The following GLYATL1 variants were observed in gnomAD, a reference collection of about 807,000 sequenced individuals.
GLYATL1 encodes glycine-N-acyltransferase like 1.
In GLYATL1, 15 loss-of-function variants were observed where a neutral mutation model predicts 20.0. The ratio of observed to expected loss-of-function variants is 0.75; its 90% CI spans 0.50 to 1.15. The LOEUF is 1.15. Among genes scored for constraint, GLYATL1 ranks in the 50% most tolerant of loss-of-function variants. GLYATL1 has a pLI of 0.00. For synonymous variants in GLYATL1, 151 were observed against 131.5 expected, an observed-to-expected ratio of 1.15 and a Z score of -1.01; for missense variants, 380 against 368.5, an observed-to-expected ratio of 1.03 and a Z score of -0.26.
chr11:58,955,744 G>C lies in GLYATL1; in HGVS notation c.626G>C (p.Cys209Ser), dbSNP rs746846241. 1.9e-6 allele frequency: 3 copies of C among 1,614,230 alleles called. No homozygotes were observed. In the South Asian group the frequency reaches 3.3e-5, roughly 18 times the overall value. ...TGCATAGAAGACCTGCCAGCAGCCT[G>C]TATGCTCGGCCCAGAGGGAGTCCCG... ...KRCIEDLPAA[C>S]MLGPEGVPVS... Residue 209 changes from cysteine (C) to serine (S), a missense_variant, in exon 7 of 7, where the codon TGT becomes TCT. By Grantham distance (112) the Cys-to-Ser change is moderately radical (BLOSUM62 -1). Transcript: ENST00000532726.
downstream of GLYATL1, among the ~76,000 whole-genome samples, chr11:58,910,107 A>G (rs1216616824): frequency 1.3e-5 from 2 of 152,042 alleles, no homozygotes; most frequent in African/African-American, 4.8e-5. Context: ...TGTGACTGAG[A>G]GGGCACTTAC....
At chr11:58,907,468 C>G (rs373701966) in exon 2 of GLYATL1, 23 of 308,386 alleles carry the variant, frequency 7.5e-5, no homozygotes, top group Non-Finnish European at 1.3e-4. Context: ...TCATGTATTT[C>G]GCTCTTTTTT....
chr11:58,947,048 T>C lies in GLYATL1; in HGVS notation c.-40T>C. On this transcript the variant is annotated splice_region_variant and 5_prime_UTR_variant, in exon 3 of 7. Coordinates refer to ENST00000532726, the MANE Select transcript of GLYATL1 (RefSeq NM_001389712.2). ...CCCTTCATTTCTTATCTTTTCAGAG[T>C]TTCTTCTTCAAGGTCTCAAGGTCTG... is the stretch of plus-strand genomic sequence containing the variant. 1 of 1,610,096 alleles carries C rather than the reference T, an allele frequency of 6.2e-7. No homozygotes were observed. Among genetic ancestry groups the C allele is most frequent in the Non-Finnish European group, 8.5e-7 (1 of 1,176,336 alleles).
chr11:58,934,594 G>C (rs758795955), upstream of GLYATL1: 1 of 152,374 alleles, frequency 6.6e-6, no homozygotes, highest in Admixed American at 6.5e-5. Flanking sequence ...TAGGGCTGTA[G>C]GAACTGGACT....
exon 2 of GLYATL1, chr11:58,907,796 C>G (rs778229548): frequency 1.6e-5 from 3 of 182,152 alleles, no homozygotes; most frequent in Admixed American, 1.1e-4. Context: ...ACATGGAAAC[C>G]ATTTCATACT....
intron 3 of GLYATL1, 47 bp downstream of exon 3, chr11:58,947,212 G>T: frequency 6.3e-7 from 1 of 1,588,324 alleles, no homozygotes; most frequent in Non-Finnish European, 8.6e-7. Flanking sequence ...GGGTGTTGAG[G>T]ATGAGAAAAT....
At chr11:58,919,238 T>C (rs1289360382) in intron 1 of GLYATL1, among the ~76,000 whole-genome samples, 2 of 152,222 alleles carry the variant, frequency 1.3e-5, no homozygotes, top group Non-Finnish European at 2.9e-5. Flanking sequence ...ACCTTTAATC[T>C]GACATATAAT....
chr11:58,944,539 C>G (rs1856428458), intron 2 of GLYATL1, among the ~76,000 whole-genome samples: 1 of 152,084 alleles, frequency 6.6e-6, no homozygotes, highest in African/African-American at 2.4e-5. Context: ...AAAAACATCT[C>G]AATGGTACAA....
Position 58,946,425 on chromosome 11 carries a change from C to T in GLYATL1, c.-42-621C>T, listed in dbSNP as rs186847783. 3.1e-4 allele frequency among the ~76,000 whole-genome samples: 47 copies of T among 152,282 alleles called. 2 individuals carry two copies. In the East Asian group the frequency reaches 8.9e-3, roughly 29 times the overall value. On this transcript the variant is annotated intron_variant, in intron 2 of 6. Transcript: ENST00000532726. ...TGAACCTATCAGTTGTGATGATCAC[C>T]TTCTCCAAGTTATTGTTAAATTATT...
rs1355856643 is a variant in GLYATL1, at chr11:58,955,589, CTT to C, written c.492-19_492-18del. 1 of 1,605,918 alleles carries C rather than the reference CTT, an allele frequency of 6.2e-7. No individual in the cohort carries two copies. Among genetic ancestry groups the C allele is most frequent in the African/African-American group, 1.3e-5 (1 of 74,476 alleles). On this transcript the variant is annotated intron_variant, in intron 6 of 6. Transcript: ENST00000532726. ...CAGGATTGGGGATGAAAGTTGTTGT[CTT>C]TCTTTTTGTTGTCTACAGTGAAACT...
At chr11:58,954,451 G>T (rs1051815528) in intron 4 of GLYATL1, among the ~76,000 whole-genome samples, 1 of 152,160 alleles carries the variant, frequency 6.6e-6, no homozygotes, top group Non-Finnish European at 1.5e-5. Context: ...GTGTGCAGTT[G>T]AGTGGGTAGG....
At chr11:58,947,787 T>G (rs1473978035) in intron 3 of GLYATL1, 71 bp from the exon 4 acceptor site, 4 of 1,036,270 alleles carry the variant, frequency 3.9e-6, no homozygotes, top group Non-Finnish European at 6.1e-6. Context: ...CATTTTTCTC[T>G]TCCTCTTCAC....
chr11:58,909,129 T>C (rs2134643267), downstream of GLYATL1, among the ~76,000 whole-genome samples: 1 of 152,306 alleles, frequency 6.6e-6, no homozygotes, highest in Non-Finnish European at 1.5e-5. Context: ...AGAAGAATTC[T>C]TAATTCAGAC....
intron 4 of GLYATL1, among the ~76,000 whole-genome samples, chr11:58,948,450 A>G (rs1168251309): frequency 6.6e-6 from 1 of 152,156 alleles, no homozygotes; most frequent in South Asian, 2.1e-4. Flanking sequence ...ACCAGCCTGT[A>G]CAACATAGTG....
chr11:58,927,765 A>G (rs1238240578), exon 1 of GLYATL1: 1 of 152,204 alleles, frequency 6.6e-6, no homozygotes, highest in African/African-American at 2.4e-5. Flanking sequence ...CAGCCTGCTT[A>G]AGACGGGAAC....
chr11:58,905,719 GATGGGTCAT>G, intron 1 of GLYATL1: 1 of 395,520 alleles, frequency 2.5e-6, no homozygotes, highest in South Asian at 1.8e-5. Flanking sequence ...CTGGGACCGG[GATGGGTCAT>G]CTGGACAAAT....
chr11:58,947,595 T>G (rs866759345), intron 3 of GLYATL1: 4 of 503,884 alleles, frequency 7.9e-6, no homozygotes, highest in African/African-American at 7.7e-5. Flanking sequence ...ACAATATAAA[T>G]GCTAAGAGCA....
rs748972008 is a variant in GLYATL1 at position 58,955,275 on chromosome 11, T to C, written c.413T>C (p.Ile138Thr). Residue 138 changes from isoleucine to threonine, a missense_variant, in exon 6 of 7, where the codon ATT becomes ACT. Coordinates refer to ENST00000532726, the MANE Select transcript of GLYATL1 (RefSeq NM_001389712.2). ...GCACTCCTCTTGGTTACGGAAGATA[T>C]TCTGAAGCTCAATGCCTCCAGTAAA... ...SRALLLVTEDILKLNASSKSK... is the reference protein window; with the variant it reads ...SRALLLVTEDTLKLNASSKSK... 1.7e-5 allele frequency: 28 copies of C among 1,614,172 alleles called. No individual in the cohort carries two copies. Among genetic ancestry groups the C allele is most frequent in the Non-Finnish European group, 2.2e-5 (26 of 1,179,996 alleles).
At chr11:58,945,533 T>C (rs1856506483) in intron 2 of GLYATL1, among the ~76,000 whole-genome samples, 1 of 152,144 alleles carries the variant, frequency 6.6e-6, no homozygotes, top group South Asian at 2.1e-4. Flanking sequence ...CAGGATATAA[T>C]GTTCCCAGGG....
Sources: allele counts gnomAD v4.1 joint callset (sites outside exome capture counted in the v4.1 genomes callset), GRCh38; gene constraint gnomAD v4.1.1; transcripts MANE v1.5; gene names NCBI Gene and HGNC (gene_info 2026-07-23, HGNC 2026-07-21).